PTCHD4: variants seen among roughly 807,000 people sequenced by gnomAD.
PTCHD4 encodes the protein patched domain-containing protein 4.
Under a neutral mutation model 58.1 loss-of-function variants are expected in PTCHD4, and 33 were observed. That is an observed-to-expected ratio of 0.57 (90% CI 0.43 to 0.76). PTCHD4 has a LOEUF of 0.76. Among genes scored for constraint, PTCHD4 ranks in the 30% least tolerant of loss-of-function variants. The pLI is 0.00. For missense variants in PTCHD4, 1,058 were observed against 1,027.1 expected (o/e 1.03, Z -0.41); for synonymous variants, 478 against 409.6 (o/e 1.17, Z -2.02).
intron 1 of PTCHD4, among the ~76,000 whole-genome samples, chr6:48,090,582 GA>G (rs201064296): frequency 1.7e-4 from 26 of 151,102 alleles, no homozygotes; most frequent in African/African-American, 5.6e-4. Flanking sequence ...CACTAGGCTG[GA>G]AAAAAAAATC....
At chr6:47,914,770 A>G (rs958577551) in intron 4 of PTCHD4, among the ~76,000 whole-genome samples, 1 of 148,070 alleles carries the variant, frequency 6.8e-6, no homozygotes, top group Non-Finnish European at 1.5e-5. Flanking sequence ...CTATCTATCT[A>G]TCTATCTATC....
At chr6:47,928,674 T>A (rs961779710) in intron 4 of PTCHD4, among the ~76,000 whole-genome samples, 2 of 152,204 alleles carry the variant, frequency 1.3e-5, no homozygotes, top group African/African-American at 4.8e-5. Flanking sequence ...TGTATTATAT[T>A]CAGATATATA....
chr6:47,913,027 C>T lies in PTCHD4; in HGVS notation c.899-33091G>A, dbSNP rs532767110. On this transcript the variant is annotated intron_variant, in intron 4 of 4. Transcript: ENST00000339488. ...CTCTAGTTCTGAGTGACCAGCACTG[C>T]TACAAGCTAATTTATCCCCAATTTT... is the stretch of plus-strand genomic sequence containing the variant. 5.3e-5 allele frequency among the ~76,000 whole-genome samples: 8 copies of T among 152,242 alleles called. 1 individual carries two copies. The highest frequency in any genetic ancestry group is 3.9e-4 in the Admixed American group (6 of 15,278).
intron 4 of PTCHD4, among the ~76,000 whole-genome samples, chr6:47,927,727 T>A (rs965078611): frequency 6.6e-6 from 1 of 152,064 alleles, no homozygotes; most frequent in South Asian, 2.1e-4. Flanking sequence ...TGGATTAAAT[T>A]ATTTTTTCCA....
At chr6:48,025,380 T>C (rs528946119) in intron 3 of PTCHD4, among the ~76,000 whole-genome samples, 3 of 152,326 alleles carry the variant, frequency 2.0e-5, no homozygotes, top group African/African-American at 4.8e-5. Context: ...GCACCTGTTA[T>C]AAACAAAGCT....
rs1484183558 is a variant in PTCHD4, at chr6:47,864,681, A to G, written c.*13622T>C. Reference sequence around the variant, plus strand: ...CCTCATCCTCACGTATTTTAGTTCTATGACTGTAGAAGAATACAAAGAGTT... The same window carrying G: ...CCTCATCCTCACGTATTTTAGTTCTGTGACTGTAGAAGAATACAAAGAGTT... On this transcript the variant is annotated 3_prime_UTR_variant, in exon 5 of 5. Coordinates refer to ENST00000339488, the MANE Select transcript of PTCHD4 (RefSeq NM_001384253.1). 1.2e-5 allele frequency among the ~76,000 whole-genome samples: 1 copy of G among 81,284 alleles called. No individual in the cohort carries two copies. Among genetic ancestry groups the G allele is most frequent in the Non-Finnish European group, 2.9e-5 (1 of 34,980 alleles). 53.3% of individuals were successfully genotyped at this position (81,284 alleles called of 152,430 possible). A position where few individuals can be genotyped will look rare whatever the true frequency, so the allele number is the denominator to read the frequency against.
intron 4 of PTCHD4, among the ~76,000 whole-genome samples, chr6:47,920,682 T>C (rs369665520): frequency 8.5e-5 from 13 of 152,198 alleles, no homozygotes; most frequent in African/African-American, 2.9e-4. Context: ...CTTATAAAGA[T>C]CCACCCATAC....
Position 47,876,446 on chromosome 6 carries a change from C to T in PTCHD4, c.*1857G>A, listed in dbSNP as rs1315497435. Among the ~76,000 whole-genome samples, 1 of 151,892 alleles carries T rather than the reference C, an allele frequency of 6.6e-6. No homozygotes were observed. Among genetic ancestry groups the T allele is most frequent in the Non-Finnish European group, 1.5e-5 (1 of 67,916 alleles). ...ATGTTTTCATTTTAGGGTCTGTTCC[C>T]TTTCCCCTTTATATTCTGGAAAGTT... On this transcript the variant is annotated 3_prime_UTR_variant, in exon 5 of 5. Transcript: ENST00000339488.
At chr6:47,936,538 G>A (rs922131607) in intron 4 of PTCHD4, among the ~76,000 whole-genome samples, 1 of 152,126 alleles carries the variant, frequency 6.6e-6, no homozygotes, top group South Asian at 2.1e-4. Flanking sequence ...CATAGTAATG[G>A]CAAATCCAGA....
intron 3 of PTCHD4, among the ~76,000 whole-genome samples, chr6:48,052,663 A>G (rs1764273488): frequency 6.6e-6 from 1 of 152,086 alleles, no homozygotes; most frequent in African/African-American, 2.4e-5. Context: ...ATTGCAAAAT[A>G]TAAGGCAGAT....
In PTCHD4 at chr6:47,890,829, G is replaced by A. The variant is rs1027440515; in HGVS notation, c.899-10893C>T. On this transcript the variant is annotated intron_variant, in intron 4 of 4. Coordinates refer to ENST00000339488, the MANE Select transcript of PTCHD4 (RefSeq NM_001384253.1). ...CACACACAGGATGGCTTGCTTTCCT[G>A]CTCTCTCTCTTTCCCTGCTAAATAG... The A allele has an allele frequency of 1.5e-5, 14 of 913,140 alleles. No homozygotes were observed. In the Middle Eastern group the frequency reaches 1.6e-3, roughly 107 times the overall value. 56.6% of individuals were successfully genotyped at this position (913,140 alleles called of 1,614,324 possible).
rs1395971608 is a variant in PTCHD4, at chr6:47,877,788, A to G, written c.*515T>C. Among the ~76,000 whole-genome samples, 1 of 152,048 alleles carries G rather than the reference A, an allele frequency of 6.6e-6. No individual in the cohort carries two copies. The highest frequency in any genetic ancestry group is 1.5e-5 in the Non-Finnish European group (1 of 67,984). ...AAGTATATGTATATACGGGATATAT[A>G]CATATATATGTACACATAAAATGGA... On this transcript the variant is annotated 3_prime_UTR_variant, in exon 5 of 5. Transcript: ENST00000339488.
chr6:48,092,055 C>T lies in PTCHD4; in HGVS notation c.-970+18994G>A, dbSNP rs78856898. Among the ~76,000 whole-genome samples, 326 of 152,044 alleles carry T rather than the reference C, an allele frequency of 2.1e-3. 1 individual carries two copies. The highest frequency in any genetic ancestry group is 6.6e-3 in the African/African-American group (274 of 41,474). On this transcript the variant is annotated intron_variant, in intron 1 of 4. Coordinates refer to ENST00000339488, the MANE Select transcript of PTCHD4 (RefSeq NM_001384253.1). Reference sequence around the variant, plus strand: ...CAATAAAGACCTAGATAAAATTTCACGAGACAACTTACTCTAATATATTTC... The same window carrying T: ...CAATAAAGACCTAGATAAAATTTCATGAGACAACTTACTCTAATATATTTC...
At chr6:48,033,827 T>C (rs891411073) in intron 3 of PTCHD4, among the ~76,000 whole-genome samples, 4 of 152,114 alleles carry the variant, frequency 2.6e-5, no homozygotes, top group African/African-American at 9.7e-5. Context: ...GAGCCTGTGT[T>C]GGTCTTTTAC....
intron 4 of PTCHD4, among the ~76,000 whole-genome samples, chr6:48,002,258 T>G (rs1034542453): frequency 6.6e-6 from 1 of 152,198 alleles, no homozygotes; most frequent in Non-Finnish European, 1.5e-5. Context: ...ATCCCATTAG[T>G]GGGTATATAC....
chr6:47,908,184 C>T (rs79955770), intron 4 of PTCHD4, among the ~76,000 whole-genome samples: 4,102 of 152,122 alleles, frequency 0.027, 193 homozygotes, highest in African/African-American at 0.094. Context: ...CAGACCAGAA[C>T]CTCCATGATG....
chr6:48,026,801 A>G (rs551439098), intron 3 of PTCHD4, among the ~76,000 whole-genome samples: 1 of 152,280 alleles, frequency 6.6e-6, no homozygotes, highest in South Asian at 2.1e-4. Flanking sequence ...CCTAAAAGAT[A>G]GTCCATAGCC....
chr6:48,049,003 G>A (rs1165181020), intron 3 of PTCHD4, among the ~76,000 whole-genome samples: 1 of 151,972 alleles, frequency 6.6e-6, no homozygotes, highest in Non-Finnish European at 1.5e-5. Flanking sequence ...CATTCACTGT[G>A]AGGGATTTAG....
intron 3 of PTCHD4, among the ~76,000 whole-genome samples, chr6:48,044,560 T>A (rs1183654815): frequency 2.0e-5 from 3 of 151,720 alleles, no homozygotes; most frequent in African/African-American, 7.3e-5. Context: ...AAAGTGGGGG[T>A]TGGCAATGTA....
Sources: gnomAD v4.1 joint callset for allele counts (sites outside exome capture counted in the v4.1 genomes callset) on GRCh38, gnomAD v4.1.1 for gene constraint, MANE v1.5 for transcripts, NCBI Gene and HGNC (gene_info 2026-07-23, HGNC 2026-07-21) for gene names.